Variants in ATP13A2 observed in about 807,000 individuals in gnomAD.
The protein encoded by ATP13A2 is polyamine-transporting ATPase 13A2.
In ATP13A2, 83 loss-of-function variants were observed where a neutral mutation model predicts 138.3. That is an observed-to-expected ratio of 0.60 (90% CI 0.50 to 0.72). ATP13A2 has a LOEUF of 0.72. Ranked by LOEUF, ATP13A2 falls within the 30% of genes least tolerant of loss-of-function variation. ATP13A2 has a pLI of 0.00. For synonymous variants in ATP13A2, 663 were observed against 699.0 expected (o/e 0.95, Z 0.81); for missense variants, 1,402 against 1,606.4 (o/e 0.87, Z 2.17).
At chr1:16,990,623 A>G (rs2076897783) in intron 20 of ATP13A2, among the ~76,000 whole-genome samples, 1 of 151,302 alleles carries the variant, frequency 6.6e-6, no homozygotes, top group Admixed American at 6.6e-5. Context: ...GGCTCAAGCA[A>G]TTCTCCTGCC....
rs925873631 is a variant in ATP13A2, at chr1:16,986,117, C to T, written c.*104G>A. ...GGGGAGGAGTGTAGACAGTCGCCAA[C>T]CTCAGGGATGTGGGAGGTGGTGGCG... is the stretch of plus-strand genomic sequence containing the variant. On this transcript the variant is annotated 3_prime_UTR_variant, in exon 29 of 29. Transcript: ENST00000326735. The surrounding 1 kb of genome is among the most constrained non-coding windows in gnomAD (Gnocchi z 6.9). 6 of 1,587,030 alleles carry T rather than the reference C, an allele frequency of 3.8e-6. No homozygotes were observed. In the African/African-American group the frequency reaches 8.0e-5, roughly 21 times the overall value.
intron 15 of ATP13A2, among the ~76,000 whole-genome samples, chr1:16,994,595 T>C (rs916862925): frequency 1.3e-5 from 2 of 152,170 alleles, no homozygotes; most frequent in Non-Finnish European, 2.9e-5. Context: ...AGACTCTAAC[T>C]GCCCAAGTAC....
Position 16,990,228 on chromosome 1 carries a change from C to G in ATP13A2, c.2311G>C (p.Glu771Gln), listed in dbSNP as rs1352656850. 1 of 1,614,000 alleles carries G rather than the reference C, an allele frequency of 6.2e-7. No individual in the cohort carries two copies. Among genetic ancestry groups the G allele is most frequent in the South Asian group, 1.1e-5 (1 of 91,090 alleles). Residue 771 changes from glutamate to glutamine, a missense_variant, in exon 21 of 29, where the codon GAG (glutamate) becomes CAG (glutamine). Glu to Gln is a conservative substitution (Grantham distance 29, BLOSUM62 2). Coordinates refer to ENST00000326735, the MANE Select transcript of ATP13A2 (RefSeq NM_022089.4). Reference protein sequence around the residue: ...ARGCGMVAPQEHLIIVHATHP... With the variant: ...ARGCGMVAPQQHLIIVHATHP... ...GTGGCGTGGACGATGATCAGATGCT[C>G]CTGGGGGGCCACCATGCCACAGCCC...
Position 16,988,172 on chromosome 1 carries a change from A to G in ATP13A2, c.2825T>C (p.Leu942Pro). ...GATCAGGACGGAGATGAACTGGGTC[A>G]GGCTGTACAGAGCCATGTACTTGAA... is the stretch of plus-strand genomic sequence containing the variant. ...SVFKYMALYS[L>P]TQFISVLILY... Residue 942 changes from leucine (L) to proline (P), a missense_variant, in exon 25 of 29, where the codon CTG becomes CCG. Leu to Pro is a moderately conservative substitution (Grantham distance 98). Transcript: ENST00000326735. 1 of 1,614,078 alleles carries G rather than the reference A, an allele frequency of 6.2e-7. No individual in the cohort carries two copies. The highest frequency in any genetic ancestry group is 8.5e-7 in the Non-Finnish European group (1 of 1,180,018).
Position 17,000,324 on chromosome 1 carries a change from G to A in ATP13A2, c.841-12C>T. ...AGAGTCTGGCTTTGCTGTGGGCAGGGGACAAGAGGGCCGTGAGTGGGTGGG... is the reference window on the plus strand; with the variant it reads ...AGAGTCTGGCTTTGCTGTGGGCAGGAGACAAGAGGGCCGTGAGTGGGTGGG... On this transcript the variant is annotated splice_polypyrimidine_tract_variant and intron_variant, in intron 9 of 28. Transcript: ENST00000326735. 6.3e-7 allele frequency: 1 copy of A among 1,582,934 alleles called. No individual in the cohort carries two copies.
At chr1:17,010,821 A>G (rs2077757246) in intron 1 of ATP13A2, among the ~76,000 whole-genome samples, 1 of 152,128 alleles carries the variant, frequency 6.6e-6, no homozygotes, top group African/African-American at 2.4e-5. Flanking sequence ...TTCCTGCGGA[A>G]GCCTTGGCTT....
At position 17,002,356 on chromosome 1, in the gene ATP13A2, C is replaced by T. The variant is rs539793424; in HGVS notation, c.575G>A (p.Arg192His). 9 of 1,613,106 alleles carry T rather than the reference C, an allele frequency of 5.6e-6. No individual in the cohort carries two copies. The highest frequency in any genetic ancestry group is 3.3e-5 in the South Asian group (3 of 90,884). The change falls in exon 7 of 29, where the codon CGC becomes CAC. Residue 192 changes from arginine to histidine, a missense_variant. Arg to His is a conservative substitution (Grantham distance 29). Coordinates refer to ENST00000326735, the MANE Select transcript of ATP13A2 (RefSeq NM_022089.4). ...FYQVSLLDHG[R>H]SCDDVHRSRH... ...GGAGCGGTGGACGTCGTCACAAGAG[C>T]GGCCATGGTCCAGGAGGCTGGGGGT...
At position 16,986,785 on chromosome 1, in the gene ATP13A2, G is replaced by T; in HGVS notation, c.3235+20C>A. On this transcript the variant is annotated intron_variant, in intron 27 of 28. Transcript: ENST00000326735. The surrounding 1 kb of genome is among the most constrained non-coding windows in gnomAD (Gnocchi z 6.9). ...CTCCCTCCCTCCGCCAGCATCTCCC[G>T]CCCGCGCCCGCAGTGGCACCATTGG... 6.2e-7 allele frequency: 1 copy of T among 1,608,602 alleles called. No individual in the cohort carries two copies.
In ATP13A2 at chr1:16,994,197, C is replaced by CTCTCTCTCTCTCTCATTT. The variant is rs762110883; in HGVS notation, c.1543-363_1543-362insAAATGAGAGAGAGAGAGA. ...CACGGTTGGCTCGCTCTCTCTCTCT[C>CTCTCTCTCTCTCTCATTT]ATTTATTTATTTATTTATTTATTTA... On this transcript the variant is annotated intron_variant, in intron 15 of 28. Coordinates refer to ENST00000326735, the MANE Select transcript of ATP13A2 (RefSeq NM_022089.4). 1.4e-3 allele frequency among the ~76,000 whole-genome samples: 201 copies of CTCTCTCTCTCTCTCATTT among 147,402 alleles called. 1 individual carries two copies. The highest frequency in any genetic ancestry group is 4.5e-3 in the African/African-American group (183 of 40,580).
At chr1:17,005,905 C>A (rs1043967165) in intron 1 of ATP13A2, 127 bp from the exon 2 acceptor site, 12 of 811,762 alleles carry the variant, frequency 1.5e-5, no homozygotes, top group African/African-American at 5.1e-5. Flanking sequence ...GAGGCCGAGG[C>A]GGGTGGATCA....
Position 17,000,074 on chromosome 1 carries a change from G to A in ATP13A2, c.976C>T (p.Leu326=). The A allele has an allele frequency of 1.2e-6, 2 of 1,613,438 alleles. No homozygotes were observed. Among genetic ancestry groups the A allele is most frequent in the Non-Finnish European group, 1.7e-6 (2 of 1,179,928 alleles). The change falls in exon 11 of 29, where the codon CTG becomes TTG. Residue 326 remains leucine (L), a synonymous_variant. Coordinates refer to ENST00000326735, the MANE Select transcript of ATP13A2 (RefSeq NM_022089.4). ...ACCAGGGCGGCATCACAGGGCATCA[G>A]CCCACCCTCCTGGGGCAGCACCAGG... ...DCLVLPQEGG[L]MPCDAALVAG...
chr1:17,007,679 G>C (rs2077612151), intron 1 of ATP13A2, among the ~76,000 whole-genome samples: 1 of 150,584 alleles, frequency 6.6e-6, no homozygotes, highest in African/African-American at 2.4e-5. Flanking sequence ...AGCCTCCCAA[G>C]TAGCTGGGAC....
intron 11 of ATP13A2, among the ~76,000 whole-genome samples, chr1:16,998,664 G>T (rs2077231327): frequency 6.6e-6 from 1 of 152,100 alleles, no homozygotes; most frequent in Admixed American, 6.6e-5. Flanking sequence ...ACAGGACAAA[G>T]CTGCTCCTGT....
In ATP13A2 at chr1:17,008,069, T is replaced by C. The variant is rs183445967; in HGVS notation, c.11-2291A>G. Among the ~76,000 whole-genome samples the C allele has an allele frequency of 1.1e-3, 174 of 152,068 alleles. 1 individual carries two copies. Among genetic ancestry groups the C allele is most frequent in the African/African-American group, 4.0e-3 (166 of 41,488 alleles). On this transcript the variant is annotated intron_variant, in intron 1 of 28. Coordinates refer to ENST00000326735, the MANE Select transcript of ATP13A2 (RefSeq NM_022089.4). ...TCATTCATTCATTCATTTATTTACT[T>C]ATCACTCTTGTAGCCTCGGCTTCCC...
Position 17,004,972 on chromosome 1 carries a change from G to T in ATP13A2, c.347+42C>A. On this transcript the variant is annotated intron_variant, in intron 4 of 28. Coordinates refer to ENST00000326735, the MANE Select transcript of ATP13A2 (RefSeq NM_022089.4). This position sits in a 1 kb window ranked among gnomAD's most constrained non-coding sequence, Gnocchi z 4.1. ...GGGTTGGGGAAGTTGGGGAGGCCAG[G>T]GTAGCAGGGGCTTCTGGGAAGGGGC... 1.2e-6 allele frequency: 2 copies of T among 1,612,910 alleles called. No individual in the cohort carries two copies. The highest frequency in any genetic ancestry group is 2.2e-5 in the South Asian group (2 of 91,018).
In ATP13A2 at chr1:17,004,575, T is replaced by C; in HGVS notation, c.477+117A>G. ...GTGTAAACGTGCTCAGACAGCATCC[T>C]GGATGTTTGGGACAACAGAACTAAA... is the stretch of plus-strand genomic sequence containing the variant. On this transcript the variant is annotated intron_variant, in intron 5 of 28. Transcript: ENST00000326735. The surrounding 1 kb of genome is among the most constrained non-coding windows in gnomAD (Gnocchi z 4.1). The C allele has an allele frequency of 6.3e-7, 1 of 1,597,672 alleles. No individual in the cohort carries two copies. Among genetic ancestry groups the C allele is most frequent in the Non-Finnish European group, 8.6e-7 (1 of 1,168,824 alleles).
At chr1:17,001,331 G>A (rs2077349074) in intron 8 of ATP13A2, among the ~76,000 whole-genome samples, 1 of 151,520 alleles carries the variant, frequency 6.6e-6, no homozygotes, top group Non-Finnish European at 1.5e-5. Context: ...AGGAGGCTCA[G>A]GCAGGAGAAT....
rs201154350 is a variant in ATP13A2, at chr1:17,004,734, C to T, written c.435G>A (p.Thr145=). ...GAVPEGAWKD[T]AQLHKSEEAV... Reference sequence around the variant, plus strand: ...CCTCCTCGCTCTTGTGGAGCTGGGCCGTATCCTTCCAGGCACCCTCTGGTA... The same window carrying T: ...CCTCCTCGCTCTTGTGGAGCTGGGCTGTATCCTTCCAGGCACCCTCTGGTA... Residue 145 remains threonine, a synonymous_variant, in exon 5 of 29, where the codon ACG becomes ACA. Transcript: ENST00000326735. The surrounding 1 kb of genome is among the most constrained non-coding windows in gnomAD (Gnocchi z 4.1). 2.3e-5 allele frequency: 37 copies of T among 1,614,124 alleles called. No homozygotes were observed. The highest frequency in any genetic ancestry group is 1.9e-4 in the South Asian group (17 of 91,090).
Position 16,987,222 on chromosome 1 carries a change from G to A in ATP13A2, c.2907C>T (p.Val969=). Residue 969 remains valine (V), a synonymous_variant, in exon 26 of 29, where the codon GTC becomes GTT. Coordinates refer to ENST00000326735, the MANE Select transcript of ATP13A2 (RefSeq NM_022089.4). Reference sequence around the variant, plus strand: ...TGAGCACTGCCACTGTGGTGGTGATGACCAGGTCGATGGCCAGGAACTGCA... The same window carrying A: ...TGAGCACTGCCACTGTGGTGGTGATAACCAGGTCGATGGCCAGGAACTGCA... ...GDLQFLAIDL[V]ITTTVAVLMS... is the part of the protein sequence containing the mutation. The A allele has an allele frequency of 1.2e-6, 2 of 1,613,880 alleles. No homozygotes were observed. Among genetic ancestry groups the A allele is most frequent in the African/African-American group, 1.3e-5 (1 of 75,042 alleles).
Sources: allele counts gnomAD v4.1 joint callset (sites outside exome capture counted in the v4.1 genomes callset), GRCh38; gene constraint gnomAD v4.1.1; non-coding constraint Gnocchi (gnomAD v3.1); transcripts MANE v1.5; gene names NCBI Gene and HGNC (gene_info 2026-07-23, HGNC 2026-07-21).